Variants in ZNF619 observed in about 807,000 individuals in gnomAD.
The protein encoded by ZNF619 is zinc finger protein 619.
ZNF619 carries 9 observed loss-of-function variants against 14.2 expected under a neutral mutation model. The observed-to-expected ratio is 0.64, with a 90% CI of 0.38 to 1.11. ZNF619 has a LOEUF of 1.11. Among genes scored for constraint, ZNF619 ranks in the 50% least tolerant of loss-of-function variants. The probability of loss-of-function intolerance (pLI) is 0.01; values close to 1 mark genes in which losing one functional copy is unlikely to be tolerated. For synonymous variants in ZNF619, 246 were observed against 252.8 expected (o/e 0.97, Z 0.26); for missense variants, 659 against 680.1 (o/e 0.97, Z 0.34).
In ZNF619 at chr3:40,490,531, G is replaced by A. The variant is rs557202678; in HGVS notation, c.*2290G>A. On this transcript the variant is annotated 3_prime_UTR_variant, in exon 5 of 5. Transcript: ENST00000432264. ...AACAACTTGGGTTTCAACTGTGTGG[G>A]TCCACTTATGGACTTTCTTCTGCCT... Among the ~76,000 whole-genome samples, 8 of 152,182 alleles carry A rather than the reference G, an allele frequency of 5.3e-5. No homozygotes were observed. The South Asian group carries it at 1.7e-3, about 32-fold the overall frequency.
In ZNF619 at chr3:40,490,999, C is replaced by G. The variant is rs1439733937; in HGVS notation, c.*2758C>G. ...AAGAAGGCCAGATACGGCCCCTCCA[C>G]AGTTCCCAGCCCTCGGAACCATGAG... is the stretch of plus-strand genomic sequence containing the variant. On this transcript the variant is annotated 3_prime_UTR_variant, in exon 5 of 5. Coordinates refer to ENST00000432264, the MANE Select transcript of ZNF619 (RefSeq NM_001145093.4). 6.6e-6 allele frequency among the ~76,000 whole-genome samples: 1 copy of G among 152,168 alleles called. No homozygotes were observed.
chr3:40,482,343 C>T lies in ZNF619; in HGVS notation c.179-245C>T, dbSNP rs561793310. On this transcript the variant is annotated intron_variant, in intron 3 of 4. Transcript: ENST00000432264. Reference sequence around the variant, plus strand: ...CCTGGAGCTGATCTTGGCCCTATTGCCTATGTGTGAGTCCCCTAGGGCCCT... The same window carrying T: ...CCTGGAGCTGATCTTGGCCCTATTGTCTATGTGTGAGTCCCCTAGGGCCCT... 1.2e-5 allele frequency: 19 copies of T among 1,555,602 alleles called. No homozygotes were observed. The East Asian group carries it at 2.4e-4, about 20-fold the overall frequency.
At chr3:40,477,732 A>G (rs78023108) in intron 1 of ZNF619, 186 bp from the exon 2 acceptor site, 7,258 of 507,454 alleles carry the variant, frequency 0.014, 263 homozygotes, top group African/African-American at 0.092. Flanking sequence ...TTCCAGTGTC[A>G]CCAAGCAGAT....
intron 2 of ZNF619, 146 bp from the exon 3 acceptor site, chr3:40,481,717 T>C: frequency 1.0e-6 from 1 of 993,704 alleles, no homozygotes; most frequent in Non-Finnish European, 1.5e-6. Context: ...ACATGGAAAG[T>C]TGGAATGCTG....
chr3:40,484,066 C>T (rs1190628040), intron 4 of ZNF619, among the ~76,000 whole-genome samples: 1 of 152,144 alleles, frequency 6.6e-6, no homozygotes, highest in Non-Finnish European at 1.5e-5. Context: ...GCTGGGATTA[C>T]AGGCGCCCGC....
intron 4 of ZNF619, among the ~76,000 whole-genome samples, chr3:40,483,217 A>G (rs976650142): frequency 2.6e-5 from 4 of 152,198 alleles, no homozygotes; most frequent in Non-Finnish European, 4.4e-5. Context: ...TCTAAAAAAC[A>G]AAAGATTTCA....
intron 4 of ZNF619, among the ~76,000 whole-genome samples, chr3:40,485,788 G>T (rs78133211): frequency 0.014 from 2,141 of 152,198 alleles, 18 homozygotes; most frequent in South Asian, 0.023. Flanking sequence ...GGCAAAAAAG[G>T]TTTCTATGTT....
At chr3:40,483,646 G>C (rs975211448) in intron 4 of ZNF619, 4 of 448,958 alleles carry the variant, frequency 8.9e-6, no homozygotes, top group African/African-American at 4.1e-5. Context: ...TTTATTTTTT[G>C]AGACAGAGTT....
chr3:40,484,218 G>T (rs1056806370), intron 4 of ZNF619, among the ~76,000 whole-genome samples: 1 of 152,182 alleles, frequency 6.6e-6, no homozygotes, highest in African/African-American at 2.4e-5. Context: ...GAGCCACCGC[G>T]CCCAGCTAGA....
rs775363303 is a variant in ZNF619, at chr3:40,481,960, A to G, written c.122A>G (p.Gln41Arg). 4.3e-6 allele frequency: 7 copies of G among 1,613,438 alleles called. No individual in the cohort carries two copies. Among genetic ancestry groups the G allele is most frequent in the Non-Finnish European group, 2.5e-6 (3 of 1,179,738 alleles). The stretch of plus-strand genomic sequence containing the variant: ...GAATGGGCCAGCCTGCACCCTACGC[A>G]GAGGGCCCTATACAGGGAGGTGATG... ...QNEWASLHPT[Q>R]RALYREVMLE... Residue 41 changes from glutamine (Q) to arginine (R), a missense_variant, in exon 3 of 5, where the codon CAG becomes CGG. Transcript: ENST00000432264.
At chr3:40,486,738 T>C (rs1575271640) in intron 4 of ZNF619, 68 bp from the exon 5 acceptor site, 1 of 1,299,190 alleles carries the variant, frequency 7.7e-7, no homozygotes, top group East Asian at 2.3e-5. Context: ...GGGCAAGCTG[T>C]TACTGATTAA....
chr3:40,482,485 C>G, intron 3 of ZNF619, 103 bp from the exon 4 acceptor site: 1 of 1,548,678 alleles, frequency 6.5e-7, no homozygotes, highest in Non-Finnish European at 8.9e-7. Context: ...ACTTAGTCTC[C>G]TGGGCCATCC....
chr3:40,484,147 A>C (rs1697504132), intron 4 of ZNF619, among the ~76,000 whole-genome samples: 2 of 151,886 alleles, frequency 1.3e-5, no homozygotes, highest in South Asian at 4.2e-4. Context: ...GTTCGTCTTG[A>C]ACTTCTTACC....
Position 40,490,935 on chromosome 3 carries a change from T to A in ZNF619, c.*2694T>A, listed in dbSNP as rs1697785963. Among the ~76,000 whole-genome samples, 1 of 152,164 alleles carries A rather than the reference T, an allele frequency of 6.6e-6. No homozygotes were observed. Among genetic ancestry groups the A allele is most frequent in the Non-Finnish European group, 1.5e-5 (1 of 68,040 alleles). On this transcript the variant is annotated 3_prime_UTR_variant, in exon 5 of 5. Coordinates refer to ENST00000432264, the MANE Select transcript of ZNF619 (RefSeq NM_001145093.4). ...TGAGCTGACATGCATGCTCTTGCCA[T>A]CTTGCCATGTGATGCTTTCCATCAT... is the stretch of plus-strand genomic sequence containing the variant.
rs909301834 is a variant in ZNF619 at position 40,490,220 on chromosome 3, T to C, written c.*1979T>C. The C allele has an allele frequency of 6.6e-6, 1 of 152,230 alleles. No individual in the cohort carries two copies. Among genetic ancestry groups the C allele is most frequent in the Non-Finnish European group, 1.5e-5 (1 of 68,050 alleles). 9.4% of individuals were successfully genotyped at this position (152,230 alleles called of 1,614,324 possible). On this transcript the variant is annotated 3_prime_UTR_variant, in exon 5 of 5. Coordinates refer to ENST00000432264, the MANE Select transcript of ZNF619 (RefSeq NM_001145093.4). ...TTCAGAACTGTGAACTAAATAAACC[T>C]CTATTCTGTATAAATTACCCAGTCT...
In ZNF619 at chr3:40,481,990, A is replaced by G. The variant is rs1697415054; in HGVS notation, c.152A>G (p.Glu51Gly). 4 of 1,603,550 alleles carry G rather than the reference A, an allele frequency of 2.5e-6. No homozygotes were observed. The South Asian group carries it at 3.4e-5, about 13-fold the overall frequency. ...GCCCTATACAGGGAGGTGATGCTGGAGAATTATGCAAATGTGACTTCCTTG... is the reference window on the plus strand; with the variant it reads ...GCCCTATACAGGGAGGTGATGCTGGGGAATTATGCAAATGTGACTTCCTTG... ...QRALYREVML[E>G]NYANVTSLSA... Residue 51 changes from glutamate (E) to glycine (G), a missense_variant, in exon 3 of 5, where the codon GAG becomes GGG. Glu to Gly is a moderately conservative substitution (Grantham distance 98). Transcript: ENST00000432264.
At position 40,490,149 on chromosome 3, in the gene ZNF619, T is replaced by C. The variant is rs1697762798; in HGVS notation, c.*1908T>C. 1 of 152,234 alleles carries C rather than the reference T, an allele frequency of 6.6e-6. No homozygotes were observed. The highest frequency in any genetic ancestry group is 6.5e-5 in the Admixed American group (1 of 15,270). The allele number at this position is 152,234 out of a possible 1,614,324, so 9.4% of individuals were successfully genotyped here. A position where few individuals can be genotyped will look rare whatever the true frequency, so the allele number is the denominator to read the frequency against. On this transcript the variant is annotated 3_prime_UTR_variant, in exon 5 of 5. Transcript: ENST00000432264. The stretch of plus-strand genomic sequence containing the variant: ...TCCTGCCATGTCATGATGCAGCAAG[T>C]AAGCCCTTACCAGATGCCTGCACCT...
intron 2 of ZNF619, among the ~76,000 whole-genome samples, chr3:40,478,656 G>A (rs1182211215): frequency 6.6e-6 from 1 of 151,946 alleles, no homozygotes; most frequent in African/African-American, 2.4e-5. Flanking sequence ...AATTCATGTA[G>A]CATTGGGAGG....
rs191027911 is a variant in ZNF619 at position 40,481,268 on chromosome 3, A to G, written c.25-595A>G. Among the ~76,000 whole-genome samples the G allele has an allele frequency of 3.1e-3, 470 of 152,330 alleles. 3 individuals are homozygous for G. The highest frequency in any genetic ancestry group is 4.2e-3 in the Admixed American group (65 of 15,298). On this transcript the variant is annotated intron_variant, in intron 2 of 4. Coordinates refer to ENST00000432264, the MANE Select transcript of ZNF619 (RefSeq NM_001145093.4). ...CAGGTCAGACAGAGCTTAGGTGATC[A>G]GTGGGCAGATTTCTGCAGAAGGATG...
Sources: gnomAD v4.1 joint callset for allele counts (sites outside exome capture counted in the v4.1 genomes callset) on GRCh38, gnomAD v4.1.1 for gene constraint, MANE v1.5 for transcripts, NCBI Gene and HGNC (gene_info 2026-07-23, HGNC 2026-07-21) for gene names.